The following PAK5 variants were observed in gnomAD, a reference collection of about 807,000 sequenced individuals.
The protein encoded by PAK5 is p21 (RAC1) activated kinase 5.
PAK5 carries 16 observed loss-of-function variants against 65.9 expected under a neutral mutation model. That is an observed-to-expected ratio of 0.24 (90% CI 0.16 to 0.37). The LOEUF is 0.37. PAK5 is among the 10% of genes least tolerant of loss of function. The probability of loss-of-function intolerance (pLI) is 1.00; values close to 1 mark genes in which losing one functional copy is unlikely to be tolerated. For missense variants in PAK5, 785 were observed against 903.9 expected (o/e 0.87, Z 1.69); for synonymous variants, 371 against 354.9 (o/e 1.05, Z -0.51).
At chr20:9,605,668 C>A (rs1365333331) in intron 3 of PAK5, among the ~76,000 whole-genome samples, 1 of 152,172 alleles carries the variant, frequency 6.6e-6, no homozygotes, top group Admixed American at 6.5e-5. Flanking sequence ...GTGACTCATG[C>A]CTTTAATCCC....
At chr20:9,759,995 G>T (rs1183608521) in intron 1 of PAK5, among the ~76,000 whole-genome samples, 6 of 152,140 alleles carry the variant, frequency 3.9e-5, no homozygotes, top group African/African-American at 1.4e-4. Flanking sequence ...ACTGGGAGGG[G>T]TCACCCTACG....
intron 3 of PAK5, among the ~76,000 whole-genome samples, chr20:9,621,098 C>A (rs528466295): frequency 2.0e-5 from 3 of 151,664 alleles, no homozygotes; most frequent in African/African-American, 7.3e-5. Flanking sequence ...GATTCAAGCA[C>A]GACACAAAAG....
intron 1 of PAK5, among the ~76,000 whole-genome samples, chr20:9,726,781 A>T (rs2048282438): frequency 6.6e-6 from 1 of 152,154 alleles, no homozygotes; most frequent in African/African-American, 2.4e-5. Flanking sequence ...ATGTATAGCT[A>T]TGTAACAAAC....
At chr20:9,748,803 C>G (rs2048539239) in intron 1 of PAK5, among the ~76,000 whole-genome samples, 1 of 152,086 alleles carries the variant, frequency 6.6e-6, no homozygotes, top group Non-Finnish European at 1.5e-5. Context: ...AGCCATTAGC[C>G]ACAGTGTTAT....
intron 2 of PAK5, among the ~76,000 whole-genome samples, chr20:9,663,684 A>G (rs1359912937): frequency 6.6e-6 from 1 of 152,206 alleles, no homozygotes; most frequent in Non-Finnish European, 1.5e-5. Context: ...TGGAGACCAT[A>G]TCCAGCAGGC....
At chr20:9,609,287 A>G (rs1408910161) in intron 3 of PAK5, among the ~76,000 whole-genome samples, 1 of 152,198 alleles carries the variant, frequency 6.6e-6, no homozygotes, top group African/African-American at 2.4e-5. Flanking sequence ...GAATGAGTCA[A>G]ATGAAGACAT....
chr20:9,650,132 T>C (rs1452875036), intron 2 of PAK5, among the ~76,000 whole-genome samples: 2 of 152,200 alleles, frequency 1.3e-5, no homozygotes, highest in African/African-American at 2.4e-5. Context: ...GCATAGCTCC[T>C]GTAATTGTTT....
At chr20:9,672,377 A>T (rs2047511753) in intron 2 of PAK5, among the ~76,000 whole-genome samples, 1 of 148,884 alleles carries the variant, frequency 6.7e-6, no homozygotes, top group Non-Finnish European at 1.5e-5. Context: ...GTCTCCACCC[A>T]AATCTCCTCT....
At chr20:9,645,592 T>TC (rs2123280576) in intron 2 of PAK5, among the ~76,000 whole-genome samples, 1 of 152,166 alleles carries the variant, frequency 6.6e-6, no homozygotes, top group East Asian at 1.9e-4. Flanking sequence ...ACACTTCTTT[T>TC]TTTTTTTTTT....
At chr20:9,773,887 G>A (rs1468785999) in intron 1 of PAK5, among the ~76,000 whole-genome samples, 1 of 152,194 alleles carries the variant, frequency 6.6e-6, no homozygotes, top group Non-Finnish European at 1.5e-5. Context: ...GTGTGCTCAG[G>A]CAGTCTGAGT....
intron 4 of PAK5, among the ~76,000 whole-genome samples, chr20:9,566,663 T>A (rs1203387097): frequency 6.6e-6 from 1 of 152,114 alleles, no homozygotes; most frequent in East Asian, 1.9e-4. Flanking sequence ...CCATCCCTCA[T>A]TAAAGGACAT....
rs185405632 is a variant in PAK5, at chr20:9,555,934, C to A, written c.1743+1674G>T. On this transcript the variant is annotated intron_variant, in intron 7 of 9. Coordinates refer to ENST00000353224, the MANE Select transcript of PAK5 (RefSeq NM_177990.4). Reference sequence around the variant, plus strand: ...GTCCCTGCTGAGAGCCAGCTGACTGCCAAGCAAATGAGTAAGGCTATCACC... The same window carrying A: ...GTCCCTGCTGAGAGCCAGCTGACTGACAAGCAAATGAGTAAGGCTATCACC... 9.9e-5 allele frequency among the ~76,000 whole-genome samples: 15 copies of A among 152,232 alleles called. No homozygotes were observed. The East Asian group carries it at 2.5e-3, about 25-fold the overall frequency.
intron 1 of PAK5, among the ~76,000 whole-genome samples, chr20:9,765,473 A>G (rs1319806779): frequency 4.6e-5 from 7 of 151,972 alleles, no homozygotes; most frequent in Admixed American, 6.6e-5. Flanking sequence ...CCAAATTCCA[A>G]TTATAAAAAG....
intron 3 of PAK5, among the ~76,000 whole-genome samples, chr20:9,612,779 G>A (rs907955926): frequency 6.6e-6 from 1 of 152,032 alleles, no homozygotes; most frequent in African/African-American, 2.4e-5. Flanking sequence ...TCTCATCTTT[G>A]CTGAAATGTT....
intron 1 of PAK5, among the ~76,000 whole-genome samples, chr20:9,816,612 A>G (rs1244520354): frequency 1.3e-5 from 2 of 151,944 alleles, no homozygotes; most frequent in Non-Finnish European, 2.9e-5. Flanking sequence ...TGTTCTCTGC[A>G]CTCCTGGTTC....
intron 1 of PAK5, among the ~76,000 whole-genome samples, chr20:9,817,917 T>C (rs931001124): frequency 6.6e-6 from 1 of 152,234 alleles, no homozygotes; most frequent in Non-Finnish European, 1.5e-5. Context: ...ACTTTCTTCA[T>C]AGGAACACAG....
At chr20:9,786,149 G>T (rs1453055347) in intron 1 of PAK5, among the ~76,000 whole-genome samples, 7 of 152,212 alleles carry the variant, frequency 4.6e-5, no homozygotes, top group African/African-American at 1.7e-4. Context: ...AATAATTAAG[G>T]GGTATATTCA....
At chr20:9,822,390 G>A (rs1254144220) in intron 1 of PAK5, among the ~76,000 whole-genome samples, 2 of 151,630 alleles carry the variant, frequency 1.3e-5, no homozygotes, top group East Asian at 3.9e-4. Context: ...GTCAGTTGTA[G>A]CCTTACTTAT....
intron 3 of PAK5, among the ~76,000 whole-genome samples, chr20:9,596,552 T>C (rs971290881): frequency 4.9e-5 from 7 of 143,274 alleles, no homozygotes; most frequent in East Asian, 4.1e-4. Flanking sequence ...AGGAGAATGG[T>C]GTGAACCCAG....
Sources: allele counts gnomAD v4.1 joint callset (sites outside exome capture counted in the v4.1 genomes callset), GRCh38; gene constraint gnomAD v4.1.1; transcripts MANE v1.5; gene names NCBI Gene and HGNC (gene_info 2026-07-23, HGNC 2026-07-21).